SFI1: variants seen among roughly 807,000 people sequenced by gnomAD.
The protein encoded by SFI1 is protein SFI1 homolog.
A neutral mutation model predicts 207.5 loss-of-function variants in SFI1; 195 were observed. The observed-to-expected ratio is 0.94, with a 90% CI of 0.84 to 1.06. SFI1 has a LOEUF of 1.06. SFI1 is among the 50% of genes least tolerant of loss of function. The pLI is 0.00. For missense variants in SFI1, 1,634 were observed against 1,588.0 expected, an observed-to-expected ratio of 1.03 and a Z score of -0.49; for synonymous variants, 630 against 598.9, an observed-to-expected ratio of 1.05 and a Z score of -0.76.
intron 1 of SFI1, among the ~76,000 whole-genome samples, chr22:31,505,596 G>A (rs2054510779): frequency 6.6e-6 from 1 of 151,774 alleles, no homozygotes; most frequent in Admixed American, 6.6e-5. Flanking sequence ...ACTCCAGCCT[G>A]AGTGACAGAG....
At chr22:31,548,687 T>C (rs1480608050) in intron 5 of SFI1, among the ~76,000 whole-genome samples, 1 of 150,624 alleles carries the variant, frequency 6.6e-6, no homozygotes, top group Non-Finnish European at 1.5e-5. Context: ...CATGTGCCTG[T>C]AGTCCCAGCC....
chr22:31,617,163 A>C, intron 31 of SFI1, 85 bp downstream of exon 31: 1 of 1,456,624 alleles, frequency 6.9e-7, no homozygotes, highest in Admixed American at 1.8e-5. Context: ...ATTTCCCCCG[A>C]GCCAGCTGCC....
At chr22:31,584,071 C>T in intron 13 of SFI1, 99 bp downstream of exon 13, 1 of 1,026,658 alleles carries the variant, frequency 9.7e-7, no homozygotes, top group South Asian at 1.3e-5. Flanking sequence ...GTTAGTGTGG[C>T]AGATTCAGAA....
At chr22:31,565,879 G>T (rs1044312357) in intron 8 of SFI1, among the ~76,000 whole-genome samples, 1 of 152,032 alleles carries the variant, frequency 6.6e-6, no homozygotes. Context: ...CTGTTGCCCA[G>T]GCTGTTCTTG....
rs2064063586 is a variant in SFI1 at position 31,580,834 on chromosome 22, T to G, written c.1248+470T>G. Among the ~76,000 whole-genome samples, 3 of 151,576 alleles carry G rather than the reference T, an allele frequency of 2.0e-5. No individual in the cohort carries two copies. The South Asian group carries it at 6.3e-4, about 32-fold the overall frequency. ...CTGGGATTACAGGCGTGAGTCACCATGCTCGGCCTTTTTAGTTTGCATTTT... is the reference window on the plus strand; with the variant it reads ...CTGGGATTACAGGCGTGAGTCACCAGGCTCGGCCTTTTTAGTTTGCATTTT... On this transcript the variant is annotated intron_variant, in intron 12 of 32. Transcript: ENST00000400288.
chr22:31,521,414 G>T, intron 2 of SFI1: 2 of 163,160 alleles, frequency 1.2e-5, no homozygotes, highest in South Asian at 3.3e-4. Flanking sequence ...ATCCAAGGAT[G>T]GCTGCACTGT....
Position 31,618,339 on chromosome 22 carries a change from CAG to C in SFI1, c.3653_3654del (p.Glu1218GlyfsTer65). On this transcript the variant is annotated frameshift_variant, in exon 33 of 33. Coordinates refer to ENST00000400288, the MANE Select transcript of SFI1 (RefSeq NM_001007467.3). LOFTEE classifies it high-confidence loss of function. ...GTGGAAATGCAGATCCAGCTGCTGG[CAG>C]AGGAGCTCCAGGCTCAGCGCCAGCC... The C allele has an allele frequency of 5.0e-6, 8 of 1,609,926 alleles. No homozygotes were observed. Among genetic ancestry groups the C allele is most frequent in the Non-Finnish European group, 6.8e-6 (8 of 1,177,482 alleles).
At chr22:31,580,943 A>T (rs1227806233) in intron 12 of SFI1, among the ~76,000 whole-genome samples, 2 of 152,176 alleles carry the variant, frequency 1.3e-5, no homozygotes, top group Non-Finnish European at 2.9e-5. Flanking sequence ...TAGTTGACTC[A>T]AAGTTCAGGG....
Position 31,602,283 on chromosome 22 carries a change from CAG to C in SFI1, c.1622_1623del (p.Arg541AsnfsTer13), listed in dbSNP as rs749968920. The stretch of plus-strand genomic sequence containing the variant: ...TTTCAGCATCGAGAAAACCGCCTGG[CAG>C]AGAGAATGGTAAATGGCTGTCCCTG... On this transcript the variant is annotated frameshift_variant, in exon 16 of 33. Coordinates refer to ENST00000400288, the MANE Select transcript of SFI1 (RefSeq NM_001007467.3). LOFTEE classifies it high-confidence loss of function. The C allele has an allele frequency of 4.3e-6, 7 of 1,613,744 alleles. No individual in the cohort carries two copies. In the East Asian group the frequency reaches 1.3e-4, roughly 31 times the overall value.
At chr22:31,616,447 T>G in intron 29 of SFI1, 3 of 336,318 alleles carry the variant, frequency 8.9e-6, no homozygotes, top group South Asian at 7.9e-5. Flanking sequence ...GGGTGGAGGG[T>G]TGGGTAAGGC....
chr22:31,585,744 G>T (rs562247720), intron 14 of SFI1, among the ~76,000 whole-genome samples: 3 of 152,140 alleles, frequency 2.0e-5, no homozygotes, highest in Admixed American at 6.5e-5. Context: ...TTACAAGCCC[G>T]TTCTACCAAT....
chr22:31,592,974 C>T (rs755612447), intron 15 of SFI1, among the ~76,000 whole-genome samples: 1,403 of 113,104 alleles, frequency 0.012, 18 homozygotes, highest in Middle Eastern at 0.067. Context: ...GGCGGCTGGC[C>T]GGGCGGGGGG....
chr22:31,588,017 A>G (rs1367617886), intron 14 of SFI1: 9 of 152,176 alleles, frequency 5.9e-5, no homozygotes, highest in Non-Finnish European at 7.3e-5. Context: ...TATGTAAAAA[A>G]TCACCCCAAA....
chr22:31,547,011 A>G lies in SFI1; in HGVS notation c.449+40A>G, dbSNP rs779075538. 2.2e-6 allele frequency: 3 copies of G among 1,334,372 alleles called. No individual in the cohort carries two copies. The Admixed American group carries it at 5.8e-5, about 26-fold the overall frequency. The allele number at this position is 1,334,372 out of a possible 1,614,324, so 82.7% of individuals were successfully genotyped here. A position where few individuals can be genotyped will look rare whatever the true frequency, so the allele number is the denominator to read the frequency against. ...TACACTCCTTCAGTTTTACTGATGC[A>G]CATTATCAGATGATTATTTGTTGGC... On this transcript the variant is annotated intron_variant, in intron 5 of 32. Transcript: ENST00000400288.
Position 31,575,366 on chromosome 22 carries a change from G to C in SFI1, c.1058G>C (p.Arg353Pro). 4.3e-6 allele frequency: 7 copies of C among 1,611,172 alleles called. No homozygotes were observed. The highest frequency in any genetic ancestry group is 4.5e-5 in the East Asian group (2 of 44,770). Residue 353 changes from arginine to proline, a missense_variant, in exon 10 of 33, where the codon CGG (arginine) becomes CCG (proline). Coordinates refer to ENST00000400288, the MANE Select transcript of SFI1 (RefSeq NM_001007467.3). Reference sequence around the variant, plus strand: ...AAACTGGCCAGGAAGATGGCCCTGCGGCGCGCCTTTACTCACTGGAAACAC... The same window carrying C: ...AAACTGGCCAGGAAGATGGCCCTGCCGCGCGCCTTTACTCACTGGAAACAC... The part of the protein sequence containing the change: ...VEKLARKMAL[R>P]RAFTHWKHYM...
intron 8 of SFI1, among the ~76,000 whole-genome samples, chr22:31,564,326 CAAA>C (rs1203864757): frequency 4.7e-5 from 3 of 63,458 alleles, no homozygotes; most frequent in African/African-American, 6.0e-5. Context: ...GACTCCATCT[CAAA>C]AAAAAAAAAA....
chr22:31,570,777 G>C (rs1466352901), intron 8 of SFI1, among the ~76,000 whole-genome samples: 3 of 152,120 alleles, frequency 2.0e-5, no homozygotes, highest in Admixed American at 6.6e-5. Context: ...AAAAATAAAA[G>C]GAGTGAGTGT....
chr22:31,535,000 C>T lies in SFI1; in HGVS notation c.338+3871C>T, dbSNP rs2058842388. ...GCAATTCTTCTACCTCAGCCTTCCACATAGCTGGGACTACAGGCACCACAC... is the reference window on the plus strand; with the variant it reads ...GCAATTCTTCTACCTCAGCCTTCCATATAGCTGGGACTACAGGCACCACAC... On this transcript the variant is annotated intron_variant, in intron 4 of 32. Transcript: ENST00000400288. 2.7e-5 allele frequency among the ~76,000 whole-genome samples: 4 copies of T among 150,422 alleles called. No homozygotes were observed. In the South Asian group the frequency reaches 8.4e-4, roughly 32 times the overall value.
At chr22:31,606,693 CTTTT>C (rs10524692) in intron 21 of SFI1, 1,263 of 115,220 alleles carry the variant, frequency 0.011, no homozygotes, top group Middle Eastern at 0.032. Flanking sequence ...TTCTTTTTTT[CTTTT>C]TTTTTTTTTT....
Sources: gnomAD v4.1 joint callset for allele counts (sites outside exome capture counted in the v4.1 genomes callset) on GRCh38, gnomAD v4.1.1 for gene constraint, MANE v1.5 for transcripts, NCBI Gene and HGNC (gene_info 2026-07-23, HGNC 2026-07-21) for gene names.